Variants in PRPSAP2 observed in about 807,000 individuals in gnomAD.
PRPSAP2 encodes the protein phosphoribosyl pyrophosphate synthetase associated protein 2.
A neutral mutation model predicts 40.6 loss-of-function variants in PRPSAP2; 24 were observed. The ratio of observed to expected loss-of-function variants is 0.59; its 90% CI spans 0.43 to 0.83. PRPSAP2 has a LOEUF of 0.83. PRPSAP2 is among the 40% of genes least tolerant of loss of function. PRPSAP2 has a pLI of 0.00. For missense variants in PRPSAP2, 292 were observed against 465.6 expected (o/e 0.63, Z 3.43); for synonymous variants, 149 against 164.7 (o/e 0.90, Z 0.73).
At chr17:18,864,674 G>A (rs1223709777) in intron 1 of PRPSAP2, among the ~76,000 whole-genome samples, 1 of 145,910 alleles carries the variant, frequency 6.9e-6, no homozygotes. Context: ...GATTAGCTTA[G>A]TTTCAGCTCA....
chr17:18,927,049 T>A (rs2042016702), intron 10 of PRPSAP2, among the ~76,000 whole-genome samples: 1 of 152,164 alleles, frequency 6.6e-6, no homozygotes, highest in Non-Finnish European at 1.5e-5. Context: ...AGGCTGTAAG[T>A]CCAAATCATG....
intron 9 of PRPSAP2, among the ~76,000 whole-genome samples, chr17:18,917,981 T>G (rs1168538550): frequency 6.6e-6 from 1 of 152,078 alleles, no homozygotes; most frequent in African/African-American, 2.4e-5. Flanking sequence ...ACTCAAATGC[T>G]TTCAGCTCAA....
At chr17:18,914,487 T>C (rs184499943) in intron 9 of PRPSAP2, among the ~76,000 whole-genome samples, 3 of 151,758 alleles carry the variant, frequency 2.0e-5, no homozygotes, top group East Asian at 1.9e-4. Context: ...CACAAACTCT[T>C]GGGCTCAAGC....
In PRPSAP2 at chr17:18,867,342, A is replaced by G. The variant is rs1039538741; in HGVS notation, c.172+8A>G. ...ACCAGGAACCTAACAGAGGTGAGCT[A>G]TCTTGGGCATGTGGAACATTGACCT... On this transcript the variant is annotated splice_region_variant and intron_variant, in intron 4 of 11. Transcript: ENST00000268835. The G allele has an allele frequency of 2.5e-6, 4 of 1,613,834 alleles. No homozygotes were observed. The African/African-American group carries it at 4.0e-5, about 16-fold the overall frequency.
chr17:18,893,229 A>G (rs2039689914), intron 8 of PRPSAP2, among the ~76,000 whole-genome samples: 1 of 148,094 alleles, frequency 6.8e-6, no homozygotes, highest in Non-Finnish European at 1.5e-5. Flanking sequence ...GCTCACTGCA[A>G]CCTCTGCCTC....
chr17:18,926,811 T>A (rs144765594), intron 10 of PRPSAP2, among the ~76,000 whole-genome samples: 1,791 of 151,388 alleles, frequency 0.012, 20 homozygotes, highest in Middle Eastern at 0.058. Context: ...TGTTTGTGTT[T>A]GTGAATGCAG....
intron 8 of PRPSAP2, chr17:18,908,484 G>A: frequency 1.3e-6 from 1 of 759,054 alleles, no homozygotes; most frequent in Admixed American, 1.8e-5. Flanking sequence ...TGAGGCACCG[G>A]CAACGTCAAG....
intron 10 of PRPSAP2, 102 bp downstream of exon 10, chr17:18,924,086 C>G (rs1310604665): frequency 1.7e-6 from 2 of 1,194,166 alleles, no homozygotes; most frequent in Non-Finnish European, 2.4e-6. Context: ...GTCGCCCAGG[C>G]TGGAGTGCAG....
At chr17:18,861,062 T>C (rs1597495232) in intron 1 of PRPSAP2, among the ~76,000 whole-genome samples, 1 of 152,214 alleles carries the variant, frequency 6.6e-6, no homozygotes, top group East Asian at 1.9e-4. Flanking sequence ...GCCAGCCCCA[T>C]CTCGATGATT....
rs561935017 is a variant in PRPSAP2 at position 18,872,599 on chromosome 17, T to C, written c.189T>C (p.Ile63=). Residue 63 remains isoleucine (I), a synonymous_variant, in exon 5 of 12, where the codon ATT becomes ATC. Transcript: ENST00000268835. Reference sequence around the variant, plus strand: ...TCCTGCCAGAAACAAGAGTACAAATTCAAGAGTCTGTGAGGGGAAAAGATG... The same window carrying C: ...TCCTGCCAGAAACAAGAGTACAAATCCAAGAGTCTGTGAGGGGAAAAGATG... ...QEPNRETRVQ[I]QESVRGKDVF... 39 of 1,593,082 alleles carry C rather than the reference T, an allele frequency of 2.4e-5. No homozygotes were observed. In the East Asian group the frequency reaches 8.0e-4, roughly 33 times the overall value.
At chr17:18,874,814 G>A (rs1355133186) in intron 5 of PRPSAP2, among the ~76,000 whole-genome samples, 1 of 152,220 alleles carries the variant, frequency 6.6e-6, no homozygotes, top group Non-Finnish European at 1.5e-5. Flanking sequence ...CTCCAGCATC[G>A]GGGTAGGGAA....
At chr17:18,906,280 A>G (rs1385519507) in intron 8 of PRPSAP2, among the ~76,000 whole-genome samples, 2 of 152,090 alleles carry the variant, frequency 1.3e-5, no homozygotes, top group Non-Finnish European at 2.9e-5. Context: ...CAGTGGTGCA[A>G]TTATAGCTCA....
At chr17:18,927,933 C>A (rs1245894568) in intron 10 of PRPSAP2, among the ~76,000 whole-genome samples, 1 of 152,048 alleles carries the variant, frequency 6.6e-6, no homozygotes, top group Non-Finnish European at 1.5e-5. Flanking sequence ...TGCGTACCTC[C>A]ATGCATGGCT....
At chr17:18,914,179 CAAAAAAAAAAAGA>C (rs1408767606) in intron 9 of PRPSAP2, among the ~76,000 whole-genome samples, 3 of 101,482 alleles carry the variant, frequency 3.0e-5, no homozygotes, top group African/African-American at 7.6e-5. Flanking sequence ...GACACCATCT[CAAAAAAAAAAAGA>C]AAAAAGAAAA....
chr17:18,869,140 C>T (rs2037653127), intron 4 of PRPSAP2, among the ~76,000 whole-genome samples: 1 of 152,030 alleles, frequency 6.6e-6, no homozygotes, highest in Non-Finnish European at 1.5e-5. Flanking sequence ...GGAGACTGGT[C>T]CACTCTCCAA....
At chr17:18,889,703 A>G in intron 7 of PRPSAP2, 119 bp from the exon 8 acceptor site, 2 of 706,560 alleles carry the variant, frequency 2.8e-6, no homozygotes, top group South Asian at 5.1e-5. Flanking sequence ...CCAAAGGAGA[A>G]TTTTACTTTG....
At chr17:18,869,808 C>T (rs1271305358) in intron 4 of PRPSAP2, among the ~76,000 whole-genome samples, 1 of 136,610 alleles carries the variant, frequency 7.3e-6, no homozygotes, top group Non-Finnish European at 1.6e-5. Context: ...TTTCTCTTAT[C>T]CTCACAATCT....
chr17:18,876,091 C>T (rs1045765510), intron 5 of PRPSAP2, among the ~76,000 whole-genome samples: 1 of 152,170 alleles, frequency 6.6e-6, no homozygotes, highest in Non-Finnish European at 1.5e-5. Flanking sequence ...CGAGATCATG[C>T]CATTGCACTC....
At chr17:18,917,574 TA>T (rs1567744162) in intron 9 of PRPSAP2, 91 of 73,362 alleles carry the variant, frequency 1.2e-3, no homozygotes, top group African/African-American at 4.9e-3. Flanking sequence ...TTATTATTAT[TA>T]TTATTATTAT....
Sources: allele counts gnomAD v4.1 joint callset (sites outside exome capture counted in the v4.1 genomes callset), GRCh38; gene constraint gnomAD v4.1.1; transcripts MANE v1.5; gene names NCBI Gene and HGNC (gene_info 2026-07-23, HGNC 2026-07-21).